LHFPL2: variants seen among roughly 807,000 people sequenced by gnomAD.
LHFPL2 encodes the protein LHFPL tetraspan subfamily member 2.
LHFPL2 carries 7 observed loss-of-function variants against 17.5 expected under a neutral mutation model. The ratio of observed to expected loss-of-function variants is 0.40; its 90% CI spans 0.23 to 0.75. The LOEUF (loss-of-function observed/expected upper bound fraction) is 0.75, where lower values mean the gene tolerates loss of function less well. Ranked by LOEUF, LHFPL2 falls within the 30% of genes least tolerant of loss-of-function variation. LHFPL2 has a pLI of 0.37. For missense variants in LHFPL2, 241 were observed against 294.8 expected (o/e 0.82, Z 1.34); for synonymous variants, 134 against 116.2 (o/e 1.15, Z -0.99).
At chr5:78,539,900 C>T (rs1243860381) in intron 3 of LHFPL2, among the ~76,000 whole-genome samples, 1 of 151,516 alleles carries the variant, frequency 6.6e-6, no homozygotes, top group African/African-American at 2.4e-5. Context: ...CCATTCTGGC[C>T]ACACAAATCT....
chr5:78,541,127 C>A (rs1464467113), intron 3 of LHFPL2, among the ~76,000 whole-genome samples: 1 of 152,160 alleles, frequency 6.6e-6, no homozygotes, highest in Non-Finnish European at 1.5e-5. Context: ...TGATGTATCA[C>A]CATTGAGTCA....
At chr5:78,573,648 G>A (rs1051153848) in intron 2 of LHFPL2, among the ~76,000 whole-genome samples, 10 of 152,166 alleles carry the variant, frequency 6.6e-5, no homozygotes, top group Admixed American at 3.9e-4. Flanking sequence ...GCCTGTCTCT[G>A]CTTTCATCTT....
At chr5:78,618,907 A>G (rs994783806) in intron 2 of LHFPL2, among the ~76,000 whole-genome samples, 1 of 152,244 alleles carries the variant, frequency 6.6e-6, no homozygotes, top group African/African-American at 2.4e-5. Flanking sequence ...GGTCAAAACC[A>G]GACGGGACAC....
intron 2 of LHFPL2, among the ~76,000 whole-genome samples, chr5:78,608,046 T>A (rs971314279): frequency 2.0e-5 from 3 of 152,158 alleles, no homozygotes; most frequent in African/African-American, 7.2e-5. Context: ...TGGTAAAAAG[T>A]TTCAGGTGAC....
chr5:78,570,292 C>G (rs886774897), intron 2 of LHFPL2, among the ~76,000 whole-genome samples: 1 of 152,180 alleles, frequency 6.6e-6, no homozygotes, highest in Non-Finnish European at 1.5e-5. Flanking sequence ...ACTGGGTTAA[C>G]GAGAGTGGAG....
chr5:78,601,307 T>C (rs1349102214), intron 2 of LHFPL2, among the ~76,000 whole-genome samples: 2 of 152,204 alleles, frequency 1.3e-5, no homozygotes, highest in Non-Finnish European at 2.9e-5. Context: ...TGAGATTTAC[T>C]AAGCTGAGAT....
chr5:78,555,659 T>C (rs1030877975), intron 3 of LHFPL2, among the ~76,000 whole-genome samples: 12 of 152,158 alleles, frequency 7.9e-5, no homozygotes, highest in African/African-American at 2.9e-4. Flanking sequence ...ATTAAAAATG[T>C]CAGTGGGACA....
At chr5:78,521,856 T>C (rs931260032) in intron 3 of LHFPL2, among the ~76,000 whole-genome samples, 3 of 152,144 alleles carry the variant, frequency 2.0e-5, no homozygotes, top group South Asian at 2.1e-4. Context: ...TCTCAGGCCT[T>C]TGTGATATGG....
chr5:78,551,323 G>A (rs1031039519), intron 3 of LHFPL2, among the ~76,000 whole-genome samples: 2 of 152,230 alleles, frequency 1.3e-5, no homozygotes, highest in African/African-American at 4.8e-5. Flanking sequence ...CATTTGGGGA[G>A]CCTTTTTGAG....
rs183793059 is a variant in LHFPL2 at position 78,610,537 on chromosome 5, T to A, written c.-245+21727A>T. On this transcript the variant is annotated intron_variant, in intron 2 of 4. Coordinates refer to ENST00000380345, the MANE Select transcript of LHFPL2 (RefSeq NM_005779.3). ...TGGTGTGCATGGGAGGATGGCCTGG[T>A]GAGCAGGAGAGGCCAGAAGGCCCTC... 2.6e-5 allele frequency among the ~76,000 whole-genome samples: 4 copies of A among 152,182 alleles called. No individual in the cohort carries two copies. The East Asian group carries it at 7.7e-4, about 29-fold the overall frequency.
chr5:78,577,495 G>A (rs1299456427), intron 2 of LHFPL2, among the ~76,000 whole-genome samples: 2 of 152,026 alleles, frequency 1.3e-5, no homozygotes, highest in African/African-American at 4.8e-5. Context: ...CACATAAAAG[G>A]TGCCATTTAA....
intron 4 of LHFPL2, among the ~76,000 whole-genome samples, chr5:78,508,685 A>G (rs1486507048): frequency 6.6e-6 from 1 of 152,232 alleles, no homozygotes; most frequent in East Asian, 1.9e-4. Flanking sequence ...AGCCCTGGAC[A>G]TATGGCTCAA....
chr5:78,546,102 T>C (rs892905488), intron 3 of LHFPL2, among the ~76,000 whole-genome samples: 1 of 152,228 alleles, frequency 6.6e-6, no homozygotes, highest in African/African-American at 2.4e-5. Flanking sequence ...CTGTGAGCCA[T>C]TAAACCCAAG....
intron 3 of LHFPL2, among the ~76,000 whole-genome samples, chr5:78,516,834 G>C (rs1218140373): frequency 6.6e-6 from 1 of 152,190 alleles, no homozygotes; most frequent in African/African-American, 2.4e-5. Flanking sequence ...CTTTCCTGGG[G>C]TCCTGGGTGG....
At chr5:78,602,614 T>A (rs993796558) in intron 2 of LHFPL2, among the ~76,000 whole-genome samples, 1 of 152,180 alleles carries the variant, frequency 6.6e-6, no homozygotes, top group African/African-American at 2.4e-5. Flanking sequence ...TCAATTCGTA[T>A]AGAAATCTGA....
At chr5:78,585,878 A>C (rs1375390738) in intron 2 of LHFPL2, among the ~76,000 whole-genome samples, 1 of 152,178 alleles carries the variant, frequency 6.6e-6, no homozygotes, top group Non-Finnish European at 1.5e-5. Context: ...TGCATAAAGG[A>C]GCCTGCCCGA....
In LHFPL2 at chr5:78,640,995, G is replaced by A. The variant is rs537476192; in HGVS notation, c.-350+7504C>T. On this transcript the variant is annotated intron_variant, in intron 1 of 4. Coordinates refer to ENST00000380345, the MANE Select transcript of LHFPL2 (RefSeq NM_005779.3). ...AAGGTAGATAAACCTCATCCCTGGT[G>A]GACATGAAAACAAGAGTTAGTTATC... Among the ~76,000 whole-genome samples, 3 of 152,324 alleles carry A rather than the reference G, an allele frequency of 2.0e-5. No individual in the cohort carries two copies. The South Asian group carries it at 6.2e-4, about 32-fold the overall frequency.
At chr5:78,571,631 C>T (rs539987516) in intron 2 of LHFPL2, among the ~76,000 whole-genome samples, 61 of 152,244 alleles carry the variant, frequency 4.0e-4, no homozygotes, top group Admixed American at 2.9e-3. Flanking sequence ...GGCAGGCCCC[C>T]CCAAATCACA....
intron 3 of LHFPL2, among the ~76,000 whole-genome samples, chr5:78,548,384 A>C: frequency 6.6e-6 from 1 of 152,196 alleles, no homozygotes; most frequent in Middle Eastern, 3.2e-3. Flanking sequence ...AGCGCCCACC[A>C]GCAGCCCTCT....
Sources: allele counts gnomAD v4.1 joint callset (sites outside exome capture counted in the v4.1 genomes callset), GRCh38; gene constraint gnomAD v4.1.1; transcripts MANE v1.5; gene names NCBI Gene and HGNC (gene_info 2026-07-23, HGNC 2026-07-21).